XCR1: variants seen among roughly 807,000 people sequenced by gnomAD.
XCR1 encodes the protein X-C motif chemokine receptor 1, also known as chemokine XC receptor 1.
For synonymous variants in XCR1, 187 were observed against 188.5 expected (o/e 0.99, Z 0.06); for missense variants, 356 against 424.2 (o/e 0.84, Z 1.41).
At chr3:46,057,692 G>A (rs1697876766) in intron 4 of XCR1, among the ~76,000 whole-genome samples, 1 of 152,144 alleles carries the variant, frequency 6.6e-6, no homozygotes, top group Non-Finnish European at 1.5e-5. Flanking sequence ...AGGCGTGAAT[G>A]CAGAACTGGT....
chr3:46,084,078 A>T (rs975335109), intron 1 of XCR1, among the ~76,000 whole-genome samples: 44 of 152,198 alleles, frequency 2.9e-4, no homozygotes, highest in African/African-American at 1.0e-3. Context: ...GCGATGATGG[A>T]GCAAACAACA....
intron 4 of XCR1, among the ~76,000 whole-genome samples, chr3:46,055,623 CCT>C (rs1697836885): frequency 6.6e-6 from 1 of 152,190 alleles, no homozygotes; most frequent in African/African-American, 2.4e-5. Context: ...TATGATTAAA[CCT>C]CTTTCTCTGC....
At chr3:46,040,830 A>T (rs1485083600) in intron 5 of XCR1, among the ~76,000 whole-genome samples, 1 of 94,920 alleles carries the variant, frequency 1.1e-5, no homozygotes, top group African/African-American at 7.0e-5. Flanking sequence ...ACTCTGAAGA[A>T]TTAGATTAGA....
Position 46,020,614 on chromosome 3 carries a change from T to G in XCR1, c.*332A>C, listed in dbSNP as rs1446874378. On this transcript the variant is annotated 3_prime_UTR_variant, in exon 2 of 2. Transcript: ENST00000309285. ...CCTGTAAAGTCTCCAAGGAAGCACCTTTCCCAGAATCCTTTCATGTCTTAG... is the reference window on the plus strand; with the variant it reads ...CCTGTAAAGTCTCCAAGGAAGCACCGTTCCCAGAATCCTTTCATGTCTTAG... 4 of 317,834 alleles carry G rather than the reference T, an allele frequency of 1.3e-5. No homozygotes were observed. The highest frequency in any genetic ancestry group is 2.3e-5 in the Non-Finnish European group (4 of 171,390). 19.7% of individuals were successfully genotyped at this position (317,834 alleles called of 1,614,324 possible).
intron 3 of XCR1, among the ~76,000 whole-genome samples, chr3:46,072,737 T>G (rs1698184230): frequency 6.6e-6 from 1 of 152,080 alleles, no homozygotes; most frequent in South Asian, 2.1e-4. Flanking sequence ...ATTAGAAAAA[T>G]GATGTTGATA....
At chr3:46,025,539 G>T (rs970340937) in intron 1 of XCR1, among the ~76,000 whole-genome samples, 1 of 152,174 alleles carries the variant, frequency 6.6e-6, no homozygotes, top group African/African-American at 2.4e-5. Context: ...TAAATATTAT[G>T]ATCAATTTTA....
At chr3:46,060,122 A>G (rs1236481803) in intron 4 of XCR1, among the ~76,000 whole-genome samples, 2 of 152,264 alleles carry the variant, frequency 1.3e-5, no homozygotes, top group Non-Finnish European at 2.9e-5. Context: ...ACTCATATAT[A>G]GTCCTCATTT....
intron 4 of XCR1, among the ~76,000 whole-genome samples, chr3:46,062,252 G>C (rs545789644): frequency 6.6e-6 from 1 of 152,162 alleles, no homozygotes; most frequent in African/African-American, 2.4e-5. Context: ...GGACATGCCC[G>C]CTCAGCTGTC....
chr3:46,037,960 C>CA (rs1697464776), intron 5 of XCR1, among the ~76,000 whole-genome samples: 1 of 151,618 alleles, frequency 6.6e-6, no homozygotes, highest in Non-Finnish European at 1.5e-5. Flanking sequence ...ATAGTGCTAT[C>CA]AGTTGACTTG....
chr3:46,048,561 C>T (rs1295585832), intron 5 of XCR1, among the ~76,000 whole-genome samples: 1 of 152,116 alleles, frequency 6.6e-6, no homozygotes, highest in Non-Finnish European at 1.5e-5. Context: ...ACCCTGGGTT[C>T]CTCTAGTCTC....
chr3:46,034,889 C>T (rs963301296), intron 5 of XCR1, among the ~76,000 whole-genome samples: 7 of 152,142 alleles, frequency 4.6e-5, no homozygotes, highest in African/African-American at 1.2e-4. Flanking sequence ...ACCATATCAC[C>T]GCATCCAGAT....
At chr3:46,023,930 A>T in intron 1 of XCR1, 1 of 1,489,398 alleles carries the variant, frequency 6.7e-7, no homozygotes, top group Non-Finnish European at 9.3e-7. Context: ...CCAGTAGAAA[A>T]GGAGCTGGAT....
intron 1 of XCR1, among the ~76,000 whole-genome samples, chr3:46,022,770 CACA>C (rs1708182766): frequency 6.6e-6 from 1 of 152,160 alleles, no homozygotes; most frequent in Non-Finnish European, 1.5e-5. Flanking sequence ...CCAGAGTCTA[CACA>C]ACATAACAAT....
chr3:46,019,401 G>A lies in XCR1; in HGVS notation c.*1545C>T, dbSNP rs1708100698. 1.3e-5 allele frequency: 2 copies of A among 152,180 alleles called. No homozygotes were observed. Among genetic ancestry groups the A allele is most frequent in the Non-Finnish European group, 2.9e-5 (2 of 68,026 alleles). 9.4% of individuals were successfully genotyped at this position (152,180 alleles called of 1,614,324 possible). ...CCTCAAGAAGCTTGCAGCCTGATGG[G>A]GCAGGGAGATAAGACATTGCATGTG... On this transcript the variant is annotated 3_prime_UTR_variant, in exon 2 of 2. Coordinates refer to ENST00000309285, the MANE Select transcript of XCR1 (RefSeq NM_001024644.2).
At chr3:46,064,657 ACATGAAGCCAC>A (rs1698027804) in intron 4 of XCR1, among the ~76,000 whole-genome samples, 2 of 152,222 alleles carry the variant, frequency 1.3e-5, no homozygotes, top group South Asian at 4.1e-4. Context: ...GAAGTGCGAC[ACATGAAGCCAC>A]CATGCTGGTG....
Position 46,018,359 on chromosome 3 carries a change from T to C in XCR1, c.*2587A>G, listed in dbSNP as rs948179952. The C allele has an allele frequency of 6.6e-6, 1 of 152,166 alleles. No homozygotes were observed. The highest frequency in any genetic ancestry group is 6.5e-5 in the Admixed American group (1 of 15,278). The allele number at this position is 152,166 out of a possible 1,614,324, so 9.4% of individuals were successfully genotyped here. A position where few individuals can be genotyped will look rare whatever the true frequency, so the allele number is the denominator to read the frequency against. On this transcript the variant is annotated 3_prime_UTR_variant, in exon 2 of 2. Coordinates refer to ENST00000309285, the MANE Select transcript of XCR1 (RefSeq NM_001024644.2). ...GCTTTGGTTTTGCTAAGTGGGTATG[T>C]GAGTAGGAGTCCTTTGCCTTTTTGC...
chr3:46,056,393 A>G (rs1253540996), intron 4 of XCR1, among the ~76,000 whole-genome samples: 1 of 152,120 alleles, frequency 6.6e-6, no homozygotes, highest in Non-Finnish European at 1.5e-5. Flanking sequence ...TGACCCACAT[A>G]CCAATCAAGG....
intron 4 of XCR1, among the ~76,000 whole-genome samples, chr3:46,058,570 C>G (rs548290952): frequency 1.1e-4 from 16 of 152,256 alleles, no homozygotes; most frequent in African/African-American, 3.9e-4. Context: ...TTATTTTAGA[C>G]AAGGTCTTAC....
chr3:46,046,987 C>T (rs1423766419), intron 5 of XCR1, among the ~76,000 whole-genome samples: 5 of 152,194 alleles, frequency 3.3e-5, no homozygotes, highest in African/African-American at 1.2e-4. Context: ...ATTAAAATGA[C>T]AACGCAATTG....
Sources: gnomAD v4.1 joint callset for allele counts (sites outside exome capture counted in the v4.1 genomes callset) on GRCh38, gnomAD v4.1.1 for gene constraint, MANE v1.5 for transcripts, NCBI Gene and HGNC (gene_info 2026-07-23, HGNC 2026-07-21) for gene names.